The following NEK11 variants were observed in gnomAD, a reference collection of about 807,000 sequenced individuals.
NEK11 encodes serine/threonine-protein kinase Nek11.
NEK11 carries 72 observed loss-of-function variants against 80.7 expected under a neutral mutation model. The ratio of observed to expected loss-of-function variants is 0.89; its 90% CI spans 0.74 to 1.08. NEK11 has a LOEUF of 1.08. Ranked by LOEUF, NEK11 falls within the 50% of genes least tolerant of loss-of-function variation. NEK11 has a pLI of 0.00. For missense variants in NEK11, 764 were observed against 763.6 expected (o/e 1.00, Z -0.01); for synonymous variants, 251 against 260.7 (o/e 0.96, Z 0.36).
intron 15 of NEK11, among the ~76,000 whole-genome samples, chr3:131,231,796 C>G (rs2095335314): frequency 1.3e-5 from 2 of 151,980 alleles, no homozygotes; most frequent in Non-Finnish European, 1.5e-5. Flanking sequence ...CTCTTCTCCC[C>G]TTTCCCTGGT....
intron 17 of NEK11, among the ~76,000 whole-genome samples, chr3:131,293,928 CT>C (rs2096568945): frequency 6.6e-6 from 1 of 151,932 alleles, no homozygotes; most frequent in Non-Finnish European, 1.5e-5. Context: ...GATGTCCCCT[CT>C]TTCATTTCTG....
In NEK11 at chr3:131,115,952, T is replaced by TTCTTTCTTTCTTTCTTTC. The variant is rs1553878399; in HGVS notation, c.455+6033_455+6050dup. Among the ~76,000 whole-genome samples, 520 of 133,204 alleles carry TTCTTTCTTTCTTTCTTTC rather than the reference T, an allele frequency of 3.9e-3. 5 individuals are homozygous for TTCTTTCTTTCTTTCTTTC. Among genetic ancestry groups the TTCTTTCTTTCTTTCTTTC allele is most frequent in the Middle Eastern group, 0.019 (5 of 264 alleles). 87.4% of individuals were successfully genotyped at this position (133,204 alleles called of 152,430 possible). Reference sequence around the variant, plus strand: ...TTTCTTTCTTTCTTTCTTTCTTTCTTTCTTTCTTTCTTTCTTTCTTTCTTT... The same window carrying TTCTTTCTTTCTTTCTTTC: ...TTTCTTTCTTTCTTTCTTTCTTTCTTTCTTTCTTTCTTTCTTTCTCTTTCTTTCTTTCTTTCTTTCTTT... On this transcript the variant is annotated intron_variant, in intron 5 of 17. Transcript: ENST00000383366.
chr3:131,326,174 T>G (rs748800201), intron 17 of NEK11: 2 of 152,234 alleles, frequency 1.3e-5, no homozygotes, highest in South Asian at 2.1e-4. Flanking sequence ...AGAATCCTTA[T>G]GTAATGGGTA....
chr3:131,215,663 C>T (rs1365879501), intron 14 of NEK11, among the ~76,000 whole-genome samples: 1 of 152,158 alleles, frequency 6.6e-6, no homozygotes, highest in African/African-American at 2.4e-5. Flanking sequence ...AGGCTTAGGG[C>T]TGGGGTGCGA....
At position 131,259,866 on chromosome 3, in the gene NEK11, T is replaced by C. The variant is rs2108454972; in HGVS notation, c.1622-13612T>C. 2.0e-5 allele frequency among the ~76,000 whole-genome samples: 3 copies of C among 152,308 alleles called. No homozygotes were observed. The South Asian group carries it at 6.2e-4, about 32-fold the overall frequency. ...GCAAGTTCTTCCTTCAAGGAGGATC[T>C]GCATAGTGCATCTCCATTTCTGGGG... On this transcript the variant is annotated intron_variant, in intron 16 of 17. Coordinates refer to ENST00000383366, the MANE Select transcript of NEK11 (RefSeq NM_024800.5).
In NEK11 at chr3:131,087,822, G is replaced by A. The variant is rs541272949; in HGVS notation, c.336+7234G>A. Among the ~76,000 whole-genome samples, 37 of 152,290 alleles carry A rather than the reference G, an allele frequency of 2.4e-4. No individual in the cohort carries two copies. The South Asian group carries it at 7.3e-3, about 30-fold the overall frequency. On this transcript the variant is annotated intron_variant, in intron 4 of 17. Coordinates refer to ENST00000383366, the MANE Select transcript of NEK11 (RefSeq NM_024800.5). Reference sequence around the variant, plus strand: ...CTTCATATTGGGTGTGTTGTGTCTAGTATTAGAAACAAATCCTTTTCTGTG... The same window carrying A: ...CTTCATATTGGGTGTGTTGTGTCTAATATTAGAAACAAATCCTTTTCTGTG...
chr3:131,087,336 C>A (rs1221948090), intron 4 of NEK11, among the ~76,000 whole-genome samples: 1 of 150,684 alleles, frequency 6.6e-6, no homozygotes, highest in African/African-American at 2.4e-5. Context: ...CTCTGCCTCC[C>A]AGGTTCAAGC....
intron 3 of NEK11, among the ~76,000 whole-genome samples, chr3:131,069,091 A>AT (rs2148896946): frequency 6.6e-6 from 1 of 152,314 alleles, no homozygotes; most frequent in African/African-American, 2.4e-5. Flanking sequence ...CACTGCTATT[A>AT]TAAACAAGGT....
chr3:131,212,378 C>T (rs901042949), intron 14 of NEK11, among the ~76,000 whole-genome samples: 3 of 152,146 alleles, frequency 2.0e-5, no homozygotes, highest in African/African-American at 2.4e-5. Context: ...GAGGGGCACC[C>T]GGCTGTATGA....
intron 16 of NEK11, among the ~76,000 whole-genome samples, chr3:131,256,424 T>C (rs1005665974): frequency 1.3e-5 from 2 of 152,210 alleles, no homozygotes; most frequent in Admixed American, 1.3e-4. Flanking sequence ...TAACCCTAAG[T>C]TCTAAAAACT....
intron 14 of NEK11, among the ~76,000 whole-genome samples, chr3:131,223,867 A>G (rs1367285722): frequency 6.6e-6 from 1 of 152,178 alleles, no homozygotes; most frequent in African/African-American, 2.4e-5. Flanking sequence ...GCGAGATTCC[A>G]TATTGCCCAT....
intron 5 of NEK11, among the ~76,000 whole-genome samples, 153 bp downstream of exon 5, chr3:131,110,074 A>G (rs1332031313): frequency 1.3e-5 from 2 of 152,138 alleles, no homozygotes; most frequent in East Asian, 3.8e-4. Context: ...CCTTGAGAAA[A>G]CTGTTGAATG....
rs1350067530 is a variant in NEK11, at chr3:131,115,960, T to TTCTTTCTTTC, written c.455+6041_455+6050dup. Among the ~76,000 whole-genome samples, 205 of 142,616 alleles carry TTCTTTCTTTC rather than the reference T, an allele frequency of 1.4e-3. 5 individuals are homozygous for TTCTTTCTTTC. Among genetic ancestry groups the TTCTTTCTTTC allele is most frequent in the African/African-American group, 4.7e-3 (177 of 37,880 alleles). 93.6% of individuals were successfully genotyped at this position (142,616 alleles called of 152,430 possible). On this transcript the variant is annotated intron_variant, in intron 5 of 17. Transcript: ENST00000383366. ...TTTCTTTCTTTCTTTCTTTCTTTCTTTCTTTCTTTCTTTCTTTCTTTCTTT... is the reference window on the plus strand; with the variant it reads ...TTTCTTTCTTTCTTTCTTTCTTTCTTTCTTTCTTTCTCTTTCTTTCTTTCTTTCTTTCTTT...
chr3:131,255,863 TG>T, intron 16 of NEK11, among the ~76,000 whole-genome samples: 1 of 152,286 alleles, frequency 6.6e-6, no homozygotes, highest in Non-Finnish European at 1.5e-5. Flanking sequence ...GATTAGACCA[TG>T]TCCAAATAAG....
chr3:131,298,383 C>T (rs1369368580), intron 17 of NEK11, among the ~76,000 whole-genome samples: 2 of 152,086 alleles, frequency 1.3e-5, no homozygotes, highest in Non-Finnish European at 2.9e-5. Context: ...TCCTTCACGT[C>T]CCTTGTAAGT....
At chr3:131,305,164 G>C (rs1326522776) in intron 17 of NEK11, among the ~76,000 whole-genome samples, 1 of 151,900 alleles carries the variant, frequency 6.6e-6, no homozygotes, top group Non-Finnish European at 1.5e-5. Flanking sequence ...TGCACTGGCG[G>C]GGGAGGGAGG....
At position 131,253,294 on chromosome 3, in the gene NEK11, C is replaced by T. The variant is rs535085816; in HGVS notation, c.1621+9798C>T. Among the ~76,000 whole-genome samples the T allele has an allele frequency of 2.2e-4, 34 of 152,056 alleles. 1 individual carries two copies. Among genetic ancestry groups the T allele is most frequent in the African/African-American group, 6.3e-4 (26 of 41,494 alleles). On this transcript the variant is annotated intron_variant, in intron 16 of 17. Transcript: ENST00000383366. ...ACATGAAGGCCCCTCATTTACAAAACGCTAAATTCCCACCAAAATTTCCCA... is the reference window on the plus strand; with the variant it reads ...ACATGAAGGCCCCTCATTTACAAAATGCTAAATTCCCACCAAAATTTCCCA...
chr3:131,177,662 A>G (rs1414980803), intron 14 of NEK11, among the ~76,000 whole-genome samples: 3 of 152,206 alleles, frequency 2.0e-5, no homozygotes, highest in African/African-American at 7.2e-5. Flanking sequence ...GCTGCCTTAC[A>G]GTACTGAGGT....
At chr3:131,172,530 G>C (rs1406263800) in intron 14 of NEK11, among the ~76,000 whole-genome samples, 2 of 152,198 alleles carry the variant, frequency 1.3e-5, no homozygotes, top group Admixed American at 1.3e-4. Context: ...TCTTGTAACA[G>C]ACATTCTTGA....
Sources: gnomAD v4.1 joint callset for allele counts (sites outside exome capture counted in the v4.1 genomes callset) on GRCh38, gnomAD v4.1.1 for gene constraint, MANE v1.5 for transcripts, NCBI Gene and HGNC (gene_info 2026-07-23, HGNC 2026-07-21) for gene names.